The following PATJ variants were observed in gnomAD, a reference collection of about 807,000 sequenced individuals.
The protein encoded by PATJ is inaD-like protein.
Under a neutral mutation model 224.9 loss-of-function variants are expected in PATJ, and 190 were observed. The ratio of observed to expected loss-of-function variants is 0.84; its 90% confidence interval spans 0.75 to 0.95. The LOEUF (loss-of-function observed/expected upper bound fraction) is 0.95, where lower values mean the gene tolerates loss of function less well. Among genes scored for constraint, PATJ ranks in the 40% least tolerant of loss-of-function variants. The pLI is 0.00. For missense variants in PATJ, 2,121 were observed against 2,270.3 expected, an observed-to-expected ratio of 0.93 and a Z score of 1.34; for synonymous variants, 769 against 820.3, an observed-to-expected ratio of 0.94 and a Z score of 1.07.
chr1:62,148,792 T>C (rs2666493), intron 42 of PATJ, among the ~76,000 whole-genome samples: 112,737 of 151,644 alleles, frequency 0.74, 42,356 homozygotes, highest in African/African-American at 0.84. Context: ...CAGTTAAAGT[T>C]GTTCATTAAA....
chr1:62,070,161 A>G (rs925613120), intron 31 of PATJ, among the ~76,000 whole-genome samples: 1 of 152,208 alleles, frequency 6.6e-6, no homozygotes, highest in Non-Finnish European at 1.5e-5. Context: ...ATCATTTTCA[A>G]ACAGAGGCAC....
At chr1:61,892,599 G>C (rs912719429) in intron 22 of PATJ, among the ~76,000 whole-genome samples, 3 of 152,026 alleles carry the variant, frequency 2.0e-5, no homozygotes, top group Non-Finnish European at 2.9e-5. Context: ...ATTCCTTTGG[G>C]GAAAAATTTG....
At chr1:62,155,170 A>G (rs1019866825) in intron 43 of PATJ, among the ~76,000 whole-genome samples, 4 of 152,214 alleles carry the variant, frequency 2.6e-5, no homozygotes, top group Non-Finnish European at 5.9e-5. Context: ...GTTAGCCCCC[A>G]TGTTTTAACA....
chr1:61,905,109 T>A (rs1671687289), intron 24 of PATJ, among the ~76,000 whole-genome samples: 1 of 152,166 alleles, frequency 6.6e-6, no homozygotes, highest in Non-Finnish European at 1.5e-5. Flanking sequence ...CTTTGGAAAT[T>A]CAGGCTGCCA....
chr1:61,976,558 C>T (rs1644142697), intron 27 of PATJ, among the ~76,000 whole-genome samples: 1 of 151,946 alleles, frequency 6.6e-6, no homozygotes, highest in Non-Finnish European at 1.5e-5. Flanking sequence ...AGGCACCCAC[C>T]CATCATGCCT....
intron 13 of PATJ, among the ~76,000 whole-genome samples, chr1:61,807,287 C>T (rs566948509): frequency 6.6e-6 from 1 of 152,294 alleles, no homozygotes; most frequent in Non-Finnish European, 1.5e-5. Flanking sequence ...AAGTGATCTC[C>T]CACCTCAGCC....
chr1:62,141,706 G>A (rs914518997), intron 41 of PATJ, among the ~76,000 whole-genome samples: 8 of 145,154 alleles, frequency 5.5e-5, no homozygotes, highest in South Asian at 4.4e-4. Flanking sequence ...ACTCACGCCC[G>A]TATTTTGGGA....
At chr1:61,830,386 T>C (rs1389306100) in intron 16 of PATJ, among the ~76,000 whole-genome samples, 25 of 152,188 alleles carry the variant, frequency 1.6e-4, no homozygotes, top group Non-Finnish European at 8.8e-5. Flanking sequence ...AAACATTCCA[T>C]GCTCATGGAT....
chr1:61,754,869 G>A (rs1645543658), intron 1 of PATJ, among the ~76,000 whole-genome samples: 1 of 151,826 alleles, frequency 6.6e-6, no homozygotes, highest in Non-Finnish European at 1.5e-5. Context: ...AATACAGCCT[G>A]GGCAACATAA....
chr1:62,017,662 G>A (rs1646849673), intron 28 of PATJ, among the ~76,000 whole-genome samples, 194 bp from the exon 29 acceptor site: 1 of 150,834 alleles, frequency 6.6e-6, no homozygotes, highest in Non-Finnish European at 1.5e-5. Context: ...AACCGAGAAG[G>A]CGGAGGTTGC....
chr1:62,125,027 A>G (rs1665524406), intron 39 of PATJ, among the ~76,000 whole-genome samples: 1 of 151,854 alleles, frequency 6.6e-6, no homozygotes, highest in Non-Finnish European at 1.5e-5. Flanking sequence ...GGAGTTTGAG[A>G]CCAGCCTGGG....
chr1:62,036,062 G>A (rs1188736139), intron 29 of PATJ, among the ~76,000 whole-genome samples: 2 of 152,096 alleles, frequency 1.3e-5, no homozygotes, highest in Non-Finnish European at 2.9e-5. Flanking sequence ...AGCACTAGAG[G>A]GGGCCAGAGA....
chr1:62,061,768 T>C (rs554524439), intron 31 of PATJ, among the ~76,000 whole-genome samples: 112 of 152,188 alleles, frequency 7.4e-4, no homozygotes, highest in African/African-American at 2.6e-3. Context: ...CACGCCATTC[T>C]CCTGCCTCAG....
chr1:61,938,813 T>C (rs1038769754), intron 27 of PATJ, among the ~76,000 whole-genome samples: 2 of 152,156 alleles, frequency 1.3e-5, no homozygotes, highest in African/African-American at 4.8e-5. Context: ...AATTTTTTTT[T>C]CTAAATAGTA....
chr1:61,794,184 G>A (rs1427718260), intron 9 of PATJ, among the ~76,000 whole-genome samples: 1 of 152,030 alleles, frequency 6.6e-6, no homozygotes, highest in Non-Finnish European at 1.5e-5. Context: ...TTACAGGCGT[G>A]AGCCACTGTG....
intron 15 of PATJ, among the ~76,000 whole-genome samples, chr1:61,827,203 G>A (rs1184283186): frequency 1.3e-5 from 2 of 152,114 alleles, no homozygotes; most frequent in Non-Finnish European, 2.9e-5. Context: ...ATCAATACAT[G>A]CAAAGATTTA....
intron 28 of PATJ, among the ~76,000 whole-genome samples, chr1:62,007,212 G>A (rs1646143709): frequency 6.6e-6 from 1 of 152,082 alleles, no homozygotes; most frequent in African/African-American, 2.4e-5. Flanking sequence ...TGGAAATTCA[G>A]AACCTGGGAA....
In PATJ at chr1:61,771,642, G is replaced by A; in HGVS notation, c.720+16G>A. The stretch of plus-strand genomic sequence containing the variant: ...GCCTGAAACAGTGAGTTGCAAATTT[G>A]AAAAAATACTTAATTTTGAATAATG... On this transcript the variant is annotated intron_variant, in intron 6 of 43. Coordinates refer to ENST00000642238, the MANE Select transcript of PATJ (RefSeq NM_001350145.3). 1.3e-6 allele frequency: 2 copies of A among 1,521,912 alleles called. No homozygotes were observed. The highest frequency in any genetic ancestry group is 1.3e-5 in the South Asian group (1 of 79,318). 94.3% of individuals were successfully genotyped at this position (1,521,912 alleles called of 1,614,324 possible). A position where few individuals can be genotyped will look rare whatever the true frequency, so the allele number is the denominator to read the frequency against.
At chr1:61,799,281 C>G (rs1038886807) in intron 11 of PATJ, among the ~76,000 whole-genome samples, 3 of 152,262 alleles carry the variant, frequency 2.0e-5, no homozygotes, top group Admixed American at 6.5e-5. Context: ...CAACTTCCAC[C>G]TCCTGTGTTC....
Sources: allele counts gnomAD v4.1 joint callset (sites outside exome capture counted in the v4.1 genomes callset), GRCh38; gene constraint gnomAD v4.1.1; transcripts MANE v1.5; gene names NCBI Gene and HGNC (gene_info 2026-07-23, HGNC 2026-07-21).